CREB1: variants seen among roughly 807,000 people sequenced by gnomAD.
CREB1 encodes the protein cyclic AMP-responsive element-binding protein 1.
CREB1 carries 2 observed loss-of-function variants against 42.0 expected under a neutral mutation model. The ratio of observed to expected loss-of-function variants is 0.05; its 90% confidence interval spans 0.02 to 0.15. The LOEUF is 0.15. Among genes scored for constraint, CREB1 ranks in the 10% least tolerant of loss-of-function variants. CREB1 has a pLI of 1.00. For synonymous variants in CREB1, 123 were observed against 139.9 expected, an observed-to-expected ratio of 0.88 and a Z score of 0.85; for missense variants, 199 against 388.9, an observed-to-expected ratio of 0.51 and a Z score of 4.11.
At chr2:207,587,165 G>A (rs932462418) in intron 7 of CREB1, among the ~76,000 whole-genome samples, 7 of 152,210 alleles carry the variant, frequency 4.6e-5, no homozygotes, top group African/African-American at 9.6e-5. Flanking sequence ...AGGCCAAGGC[G>A]GGTGGATCAC....
chr2:207,540,793 A>T (rs2081070826), intron 1 of CREB1, among the ~76,000 whole-genome samples: 1 of 151,908 alleles, frequency 6.6e-6, no homozygotes, highest in African/African-American at 2.4e-5. Context: ...ATACAGCTGT[A>T]CAATTTATTT....
chr2:207,555,794 G>A (rs777899530), intron 2 of CREB1, 45 bp downstream of exon 2: 3 of 1,260,052 alleles, frequency 2.4e-6, no homozygotes, highest in Non-Finnish European at 2.3e-6. Context: ...TCTTCCTAGA[G>A]GAATACGTTT....
At chr2:207,577,855 T>G in intron 7 of CREB1, 200 bp downstream of exon 7, 1 of 584,748 alleles carries the variant, frequency 1.7e-6, no homozygotes, top group Non-Finnish European at 3.0e-6. Flanking sequence ...GGTCAATCTT[T>G]GATCGTGGAG....
intron 1 of CREB1, among the ~76,000 whole-genome samples, chr2:207,546,753 A>G (rs1039785920): frequency 1.3e-5 from 2 of 151,908 alleles, no homozygotes; most frequent in African/African-American, 4.8e-5. Context: ...AAACAACAAA[A>G]ACAAATCAAA....
At chr2:207,561,085 C>A in intron 3 of CREB1, 1 of 1,605,038 alleles carries the variant, frequency 6.2e-7, no homozygotes, top group South Asian at 1.1e-5. Flanking sequence ...AGGCCATAAC[C>A]CCAGCCTCCC....
chr2:207,604,090 T>C lies in CREB1; in HGVS notation c.*7032T>C, dbSNP rs780636232. 2.0e-5 allele frequency among the ~76,000 whole-genome samples: 3 copies of C among 152,184 alleles called. No homozygotes were observed. Among genetic ancestry groups the C allele is most frequent in the East Asian group, 1.9e-4 (1 of 5,192 alleles). ...GTGATATTAATTACATGAGGGACAATAGGCATGAACTAGGATTGTTCTAAG... is the reference window on the plus strand; with the variant it reads ...GTGATATTAATTACATGAGGGACAACAGGCATGAACTAGGATTGTTCTAAG... On this transcript the variant is annotated 3_prime_UTR_variant, in exon 8 of 8. Coordinates refer to ENST00000353267, the MANE Select transcript of CREB1 (RefSeq NM_004379.5).
At chr2:207,560,775 A>G (rs952572718) in intron 3 of CREB1, among the ~76,000 whole-genome samples, 2 of 152,210 alleles carry the variant, frequency 1.3e-5, no homozygotes, top group African/African-American at 4.8e-5. Context: ...TACCTAAGAT[A>G]TTATTTGACC....
rs377363594 is a variant in CREB1 at position 207,599,341 on chromosome 2, G to A, written c.*2283G>A. Reference sequence around the variant, plus strand: ...GAATTATTTATTGAGTCAAAATGTCGAATCGAACATTTTGAATGAAGTAAG... The same window carrying A: ...GAATTATTTATTGAGTCAAAATGTCAAATCGAACATTTTGAATGAAGTAAG... On this transcript the variant is annotated 3_prime_UTR_variant, in exon 8 of 8. Coordinates refer to ENST00000353267, the MANE Select transcript of CREB1 (RefSeq NM_004379.5). 84 of 206,164 alleles carry A rather than the reference G, an allele frequency of 4.1e-4. No homozygotes were observed. Among genetic ancestry groups the A allele is most frequent in the Non-Finnish European group, 6.6e-4 (67 of 100,976 alleles). The allele number at this position is 206,164 out of a possible 1,614,324, so 12.8% of individuals were successfully genotyped here. A position where few individuals can be genotyped will look rare whatever the true frequency, so the allele number is the denominator to read the frequency against.
intron 6 of CREB1, chr2:207,576,725 T>G: frequency 8.4e-7 from 1 of 1,196,180 alleles, no homozygotes; most frequent in Non-Finnish European, 1.1e-6. Context: ...TCTTTTCCAC[T>G]CAAACCATAC....
intron 1 of CREB1, among the ~76,000 whole-genome samples, chr2:207,552,042 C>CAAAAAAAAAAAAAAAAAAAAAAAAA (rs71036931): frequency 1.4e-5 from 1 of 69,942 alleles, no homozygotes. Context: ...AACTCCGTCT[C>CAAAAAAAAAAAAAAAAAAAAAAAAA]AAAAAAAAAA....
intron 3 of CREB1, among the ~76,000 whole-genome samples, chr2:207,566,826 C>T (rs1002699896): frequency 4.6e-5 from 7 of 152,168 alleles, no homozygotes; most frequent in Non-Finnish European, 7.4e-5. Context: ...TAGTTTCTAT[C>T]ATTAATATCC....
Position 207,575,409 on chromosome 2 carries a change from G to A in CREB1, c.643G>A (p.Asp215Asn). The change falls in exon 6 of 8, where the codon GAT becomes AAT. Residue 215 changes from aspartate (D) to asparagine (N), a missense_variant. By Grantham distance (23) the Asp-to-Asn change is conservative. Around this residue, in one of 4 missense-constraint regions of CREB1, gnomAD observed 66 missense variants for 88.1 expected, o/e 0.75. Coordinates refer to ENST00000353267, the MANE Select transcript of CREB1 (RefSeq NM_004379.5). ...TTILQYAQTT[D>N]GQQILVPSNQ... ...CATTCTACAGTATGCACAGACCACT[G>A]ATGGACAGCAGATCTTAGTGCCCAG... 1 of 1,613,658 alleles carries A rather than the reference G, an allele frequency of 6.2e-7. No homozygotes were observed. The highest frequency in any genetic ancestry group is 8.5e-7 in the Non-Finnish European group (1 of 1,179,700).
intron 7 of CREB1, among the ~76,000 whole-genome samples, chr2:207,582,362 AT>A (rs1161667631): frequency 6.6e-6 from 1 of 152,220 alleles, no homozygotes; most frequent in African/African-American, 2.4e-5. Flanking sequence ...AATTTTGTAT[AT>A]CTCCATCCCT....
At chr2:207,551,763 C>T (rs1397599952) in intron 1 of CREB1, among the ~76,000 whole-genome samples, 1 of 152,056 alleles carries the variant, frequency 6.6e-6, no homozygotes, top group African/African-American at 2.4e-5. Flanking sequence ...CATTTTTCGG[C>T]TGGGCACAGT....
At chr2:207,544,877 T>TA (rs1256644393) in intron 1 of CREB1, among the ~76,000 whole-genome samples, 1 of 152,262 alleles carries the variant, frequency 6.6e-6, no homozygotes, top group African/African-American at 2.4e-5. Context: ...CAGCTCCATC[T>TA]ATGTTCATGC....
intron 1 of CREB1, among the ~76,000 whole-genome samples, chr2:207,541,147 AG>A (rs1473903343): frequency 6.6e-6 from 1 of 152,042 alleles, no homozygotes; most frequent in Non-Finnish European, 1.5e-5. Flanking sequence ...TTGAACCCAC[AG>A]GTGGAGCATG....
At chr2:207,573,843 G>A (rs1224705729) in intron 5 of CREB1, among the ~76,000 whole-genome samples, 1 of 152,206 alleles carries the variant, frequency 6.6e-6, no homozygotes, top group Non-Finnish European at 1.5e-5. Context: ...TGAATTCACT[G>A]CTCTGTAGCC....
At chr2:207,575,558 T>C in intron 6 of CREB1, 104 bp downstream of exon 6, 1 of 967,150 alleles carries the variant, frequency 1.0e-6, no homozygotes, top group South Asian at 2.2e-5. Context: ...ACCATTCAAA[T>C]GTAGTTAACA....
At chr2:207,541,306 A>G (rs371194843) in intron 1 of CREB1, among the ~76,000 whole-genome samples, 2 of 152,160 alleles carry the variant, frequency 1.3e-5, no homozygotes, top group African/African-American at 4.8e-5. Context: ...CATTTCTCAC[A>G]CTGATTCACC....
Sources: gnomAD v4.1 joint callset for allele counts (sites outside exome capture counted in the v4.1 genomes callset) on GRCh38, gnomAD v4.1.1 for gene constraint, gnomAD v4.1.1 regional missense constraint, MANE v1.5 for transcripts, NCBI Gene and HGNC (gene_info 2026-07-23, HGNC 2026-07-21) for gene names.